Variants in DCAF8 observed in about 807,000 individuals in gnomAD.
DCAF8 encodes DDB1 and CUL4 associated factor 8.
DCAF8 carries 20 observed loss-of-function variants against 68.0 expected under a neutral mutation model. That is an observed-to-expected ratio of 0.29 (90% CI 0.21 to 0.43). The LOEUF (loss-of-function observed/expected upper bound fraction) is 0.43, where lower values mean the gene tolerates loss of function less well. Among genes scored for constraint, DCAF8 ranks in the 20% least tolerant of loss-of-function variants. The probability of loss-of-function intolerance (pLI) is 1.00; values close to 1 mark genes in which losing one functional copy is unlikely to be tolerated. For synonymous variants in DCAF8, 230 were observed against 276.9 expected (o/e 0.83, Z 1.68); for missense variants, 460 against 771.0 (o/e 0.60, Z 4.78).
chr1:160,231,337 T>A lies in DCAF8; in HGVS notation c.1030A>T (p.Thr344Ser), dbSNP rs1197133927. Reference sequence around the variant, plus strand: ...CGTCCACCCACTGCAAACTGGTGGGTATTGGCAGGATTCACATAGATCGTA... The same window carrying A: ...CGTCCACCCACTGCAAACTGGTGGGAATTGGCAGGATTCACATAGATCGTA... ...LYTIYVNPAN[T>S]HQFAVGGRDQ... Residue 344 changes from threonine to serine, a missense_variant, in exon 7 of 14, where the codon ACC (threonine) becomes TCC (serine). Thr to Ser is a moderately conservative substitution (Grantham distance 58, BLOSUM62 1). Around this residue, in one of 8 missense-constraint regions of DCAF8, gnomAD observed 170 missense variants for 318.2 expected, o/e 0.53. Coordinates refer to ENST00000368074, the MANE Select transcript of DCAF8 (RefSeq NM_015726.4). The A allele has an allele frequency of 6.2e-7, 1 of 1,614,078 alleles. No individual in the cohort carries two copies. Among genetic ancestry groups the A allele is most frequent in the Admixed American group, 1.7e-5 (1 of 60,006 alleles).
intron 7 of DCAF8, 81 bp downstream of exon 7, chr1:160,231,216 C>T: frequency 1.0e-6 from 1 of 956,504 alleles, no homozygotes; most frequent in Middle Eastern, 2.2e-4. Context: ...AAATTCGTAA[C>T]TCTCCATAAA....
chr1:160,240,469 A>G lies in DCAF8; in HGVS notation c.50-99T>C. On this transcript the variant is annotated intron_variant, in intron 3 of 13. Transcript: ENST00000368074. Reference sequence around the variant, plus strand: ...AAATCTTCACATCAAAAGACCAAAAAATGAACTTTGGTCCAAGTGTTTTCA... The same window carrying G: ...AAATCTTCACATCAAAAGACCAAAAGATGAACTTTGGTCCAAGTGTTTTCA... 6.7e-6 allele frequency: 8 copies of G among 1,195,778 alleles called. No homozygotes were observed. The South Asian group carries it at 9.3e-5, about 14-fold the overall frequency. The allele number at this position is 1,195,778 out of a possible 1,614,324, so 74.1% of individuals were successfully genotyped here. A position where few individuals can be genotyped will look rare whatever the true frequency, so the allele number is the denominator to read the frequency against.
chr1:160,251,726 C>T (rs1162535384), intron 2 of DCAF8, among the ~76,000 whole-genome samples: 2 of 152,150 alleles, frequency 1.3e-5, no homozygotes, highest in Non-Finnish European at 2.9e-5. Context: ...CCTTGGCCTC[C>T]CAAAATGCTT....
chr1:160,237,013 C>T (rs1414906876), intron 6 of DCAF8, 122 bp downstream of exon 6: 2 of 622,018 alleles, frequency 3.2e-6, no homozygotes, highest in Non-Finnish European at 5.4e-6. Flanking sequence ...CCTTAAACTA[C>T]CTCTTAACCA....
chr1:160,243,895 T>C, intron 3 of DCAF8, 65 bp downstream of exon 3: 3 of 1,539,452 alleles, frequency 1.9e-6, no homozygotes, highest in South Asian at 2.3e-5. Flanking sequence ...CCACTCTATC[T>C]TGCAGGGAGG....
At position 160,222,150 on chromosome 1, in the gene DCAF8, C is replaced by T. The variant is rs563562153; in HGVS notation, c.1440+501G>A. 7.2e-5 allele frequency among the ~76,000 whole-genome samples: 11 copies of T among 152,316 alleles called. No homozygotes were observed. In the South Asian group the frequency reaches 2.3e-3, roughly 32 times the overall value. ...ACAAGAATATTCTAAGTAATCAAAT[C>T]AATTTAATATTGAATACCATGTTAT... On this transcript the variant is annotated intron_variant, in intron 11 of 13. Transcript: ENST00000368074.
At chr1:160,244,758 C>T (rs189113289) in intron 2 of DCAF8, among the ~76,000 whole-genome samples, 285 of 152,184 alleles carry the variant, frequency 1.9e-3, no homozygotes, top group Non-Finnish European at 3.0e-3. Context: ...GCTGGGACTA[C>T]AGGCGCCTGC....
chr1:160,221,949 G>A (rs1254623100), intron 11 of DCAF8, among the ~76,000 whole-genome samples: 1 of 151,994 alleles, frequency 6.6e-6, no homozygotes, highest in Non-Finnish European at 1.5e-5. Context: ...GAACTCAAAG[G>A]CCAGGCAGAC....
At chr1:160,238,893 C>A in intron 4 of DCAF8, 146 bp from the exon 5 acceptor site, 1 of 956,454 alleles carries the variant, frequency 1.0e-6, no homozygotes, top group South Asian at 1.9e-5. Flanking sequence ...GTACAGCTGG[C>A]TAAGCCCAAT....
chr1:160,218,823 AATAACTTCTGCAGTC>A lies in DCAF8; in HGVS notation c.1560+11_1560+25del. Reference sequence around the variant, plus strand: ...ACAGTATGTGGATAAGCAGAAAGAAAATAACTTCTGCAGTCAGCCACTTACATCTTTTAACCCTGT... The same window carrying A: ...ACAGTATGTGGATAAGCAGAAAGAAAAGCCACTTACATCTTTTAACCCTGT... On this transcript the variant is annotated intron_variant, in intron 12 of 13. Transcript: ENST00000368074. 6.2e-7 allele frequency: 1 copy of A among 1,613,578 alleles called. No individual in the cohort carries two copies. The highest frequency in any genetic ancestry group is 8.5e-7 in the Non-Finnish European group (1 of 1,179,842).
chr1:160,229,885 T>C (rs1655613245), intron 7 of DCAF8, among the ~76,000 whole-genome samples: 1 of 151,988 alleles, frequency 6.6e-6, no homozygotes, highest in Non-Finnish European at 1.5e-5. Context: ...TAGCCAGGCG[T>C]GGTGGCGTGC....
intron 2 of DCAF8, among the ~76,000 whole-genome samples, chr1:160,260,078 T>C (rs1281763165): frequency 6.8e-6 from 1 of 147,900 alleles, no homozygotes; most frequent in Non-Finnish European, 1.5e-5. Context: ...GCTGTATCAA[T>C]GATGTGCAAA....
At chr1:160,225,526 G>A in intron 8 of DCAF8, 65 bp downstream of exon 8, 1 of 1,308,108 alleles carries the variant, frequency 7.6e-7, no homozygotes, top group Non-Finnish European at 1.1e-6. Context: ...ATACCAACAA[G>A]TTCAGGTGCA....
At chr1:160,256,464 C>T (rs543542739) in intron 2 of DCAF8, among the ~76,000 whole-genome samples, 1 of 152,130 alleles carries the variant, frequency 6.6e-6, no homozygotes, top group Non-Finnish European at 1.5e-5. Context: ...GTTAACAAAA[C>T]ATACCTGGTA....
intron 7 of DCAF8, among the ~76,000 whole-genome samples, chr1:160,229,987 C>T (rs1655616446): frequency 6.6e-6 from 1 of 151,944 alleles, no homozygotes; most frequent in African/African-American, 2.4e-5. Flanking sequence ...TGTGTCACTG[C>T]ACTCCAGCAT....
chr1:160,235,046 T>A (rs1655821775), intron 6 of DCAF8, among the ~76,000 whole-genome samples: 1 of 152,226 alleles, frequency 6.6e-6, no homozygotes, highest in Non-Finnish European at 1.5e-5. Flanking sequence ...TTCCCCAATA[T>A]AAATTAATTT....
At chr1:160,225,242 G>A in intron 8 of DCAF8, 123 bp from the exon 9 acceptor site, 1 of 928,212 alleles carries the variant, frequency 1.1e-6, no homozygotes, top group South Asian at 1.6e-5. Context: ...AAGACAGACA[G>A]AGACAAGAGT....
intron 4 of DCAF8, 110 bp downstream of exon 4, chr1:160,239,587 A>G (rs1243310231): frequency 6.2e-7 from 1 of 1,608,156 alleles, no homozygotes. Context: ...CCATGTCCCG[A>G]TATGTAATTC....
At chr1:160,229,792 C>T (rs1655609863) in intron 7 of DCAF8, among the ~76,000 whole-genome samples, 2 of 152,170 alleles carry the variant, frequency 1.3e-5, no homozygotes, top group African/African-American at 2.4e-5. Context: ...GAGGCCAAGG[C>T]GGGCAGATCA....
Sources: gnomAD v4.1 joint callset for allele counts (sites outside exome capture counted in the v4.1 genomes callset) on GRCh38, gnomAD v4.1.1 for gene constraint, gnomAD v4.1.1 regional missense constraint, MANE v1.5 for transcripts, NCBI Gene and HGNC (gene_info 2026-07-23, HGNC 2026-07-21) for gene names.